BCAR3: variants seen among roughly 807,000 people sequenced by gnomAD.
BCAR3 encodes the protein BCAR3 adaptor protein, NSP family member.
A neutral mutation model predicts 80.1 loss-of-function variants in BCAR3; 37 were observed. The ratio of observed to expected loss-of-function variants is 0.46; its 90% CI spans 0.36 to 0.61. BCAR3 has a LOEUF of 0.61. Among genes scored for constraint, BCAR3 ranks in the 20% least tolerant of loss-of-function variants. The pLI is 0.00. For synonymous variants in BCAR3, 389 were observed against 418.9 expected, an observed-to-expected ratio of 0.93 and a Z score of 0.87; for missense variants, 978 against 1,068.2, an observed-to-expected ratio of 0.92 and a Z score of 1.18.
At chr1:93,828,303 T>G (rs1231487495) in intron 2 of BCAR3, among the ~76,000 whole-genome samples, 1 of 152,110 alleles carries the variant, frequency 6.6e-6, no homozygotes, top group Non-Finnish European at 1.5e-5. Flanking sequence ...AGACCTTGTC[T>G]CTTTAGAAAA....
intron 1 of BCAR3, among the ~76,000 whole-genome samples, chr1:93,677,025 C>T (rs1398557143): frequency 6.6e-6 from 1 of 152,360 alleles, no homozygotes; most frequent in African/African-American, 2.4e-5. Flanking sequence ...GTTAATACTT[C>T]CCCTTCTTAC....
intron 2 of BCAR3, among the ~76,000 whole-genome samples, chr1:93,706,322 C>T (rs564104398): frequency 2.6e-5 from 4 of 152,222 alleles, no homozygotes; most frequent in African/African-American, 9.6e-5. Flanking sequence ...GAGCTCACAC[C>T]GCCCATTCTG....
chr1:93,827,474 G>C (rs1654411686), intron 2 of BCAR3, among the ~76,000 whole-genome samples: 2 of 152,124 alleles, frequency 1.3e-5, no homozygotes, highest in Non-Finnish European at 2.9e-5. Flanking sequence ...CGAGAGGGCT[G>C]TCTCAGCTAC....
At chr1:93,614,581 G>C (rs1242328453) in intron 3 of BCAR3, among the ~76,000 whole-genome samples, 2 of 152,066 alleles carry the variant, frequency 1.3e-5, no homozygotes, top group African/African-American at 4.8e-5. Context: ...TTTTAATTAA[G>C]ATGCTCCTGG....
At chr1:93,766,975 AG>A (rs1324622769) in intron 2 of BCAR3, among the ~76,000 whole-genome samples, 2 of 152,144 alleles carry the variant, frequency 1.3e-5, no homozygotes, top group African/African-American at 2.4e-5. Context: ...TATAGCTCTG[AG>A]GGTGGGGAGC....
At chr1:93,774,913 GA>G in intron 2 of BCAR3, among the ~76,000 whole-genome samples, 1 of 152,264 alleles carries the variant, frequency 6.6e-6, no homozygotes, top group East Asian at 1.9e-4. Flanking sequence ...CAGCAGGAAA[GA>G]AAAGCCATGC....
At chr1:93,630,762 A>G (rs982731559) in intron 3 of BCAR3, among the ~76,000 whole-genome samples, 3 of 152,226 alleles carry the variant, frequency 2.0e-5, no homozygotes, top group Admixed American at 1.3e-4. Context: ...AATGTGTCAA[A>G]TGAACCAGCC....
At chr1:93,699,414 C>T (rs1316451748) in intron 3 of BCAR3, among the ~76,000 whole-genome samples, 3 of 152,134 alleles carry the variant, frequency 2.0e-5, no homozygotes, top group Non-Finnish European at 4.4e-5. Flanking sequence ...AGGCTGGGCG[C>T]TGGGGACATT....
intron 2 of BCAR3, among the ~76,000 whole-genome samples, chr1:93,647,424 A>C (rs1032505212): frequency 6.6e-6 from 1 of 152,260 alleles, no homozygotes; most frequent in African/African-American, 2.4e-5. Flanking sequence ...CATACAGGTT[A>C]ACAGAAGTAT....
At chr1:93,826,321 C>T (rs1654371826) in intron 2 of BCAR3, among the ~76,000 whole-genome samples, 1 of 152,134 alleles carries the variant, frequency 6.6e-6, no homozygotes, top group South Asian at 2.1e-4. Context: ...CTGCACTTTC[C>T]TCTCCTCTTC....
At chr1:93,587,698 CG>C (rs371114562) in intron 5 of BCAR3, among the ~76,000 whole-genome samples, 1,384 of 119,414 alleles carry the variant, frequency 0.012, 41 homozygotes, top group African/African-American at 0.058. Flanking sequence ...TGGACCCCCC[CG>C]CCAAAAAAAA....
chr1:93,637,213 AG>A (rs1394674686), intron 3 of BCAR3, among the ~76,000 whole-genome samples: 1 of 151,924 alleles, frequency 6.6e-6, no homozygotes, highest in Non-Finnish European at 1.5e-5. Flanking sequence ...TCTGTTGCCC[AG>A]GCTGGAGTGC....
chr1:93,716,030 G>A (rs1430506206), intron 2 of BCAR3, among the ~76,000 whole-genome samples: 1 of 152,192 alleles, frequency 6.6e-6, no homozygotes, highest in Admixed American at 6.5e-5. Context: ...AGAGGTTTGC[G>A]AGCTGCAGGG....
chr1:93,616,322 C>T (rs1675125203), intron 3 of BCAR3, among the ~76,000 whole-genome samples: 1 of 152,204 alleles, frequency 6.6e-6, no homozygotes, highest in Non-Finnish European at 1.5e-5. Flanking sequence ...AATCAATTTT[C>T]TCCTGAAACG....
intron 2 of BCAR3, among the ~76,000 whole-genome samples, chr1:93,836,983 G>A (rs537866592): frequency 2.0e-3 from 298 of 151,868 alleles, no homozygotes; most frequent in Non-Finnish European, 3.6e-3. Flanking sequence ...ATCTCCCTTC[G>A]CTGACTCTCT....
chr1:93,801,277 G>T (rs540063941), intron 2 of BCAR3, among the ~76,000 whole-genome samples: 3 of 152,318 alleles, frequency 2.0e-5, no homozygotes, highest in African/African-American at 7.2e-5. Context: ...GTAAATTCAT[G>T]ATTTTAGCGG....
rs774763104 is a variant in BCAR3 at position 93,582,327 on chromosome 1, G to A, written c.1660C>T (p.Gln554Ter). The change falls in exon 7 of 12, where the codon CAG (glutamine) becomes TAG (stop). Residue 554 changes from glutamine (Q) to a stop codon, truncating the protein, a stop_gained. Transcript: ENST00000260502. LOFTEE classifies it high-confidence loss of function. ...FTNNDPKVIA[Q>*]HVLSMDCRVA... ...CTGCAGTCCATGCTCAGTACGTGCT[G>A]GGCGATGACCTTGGGGTCGTTGTTG... 1.2e-6 allele frequency: 2 copies of A among 1,614,146 alleles called. No individual in the cohort carries two copies. Among genetic ancestry groups the A allele is most frequent in the Non-Finnish European group, 1.7e-6 (2 of 1,180,008 alleles).
intron 3 of BCAR3, among the ~76,000 whole-genome samples, chr1:93,705,881 C>T (rs1232761655): frequency 2.0e-5 from 3 of 151,566 alleles, no homozygotes; most frequent in East Asian, 1.9e-4. Context: ...AGCCAAAGCC[C>T]GGTCTCAAGG....
intron 2 of BCAR3, among the ~76,000 whole-genome samples, chr1:93,745,789 C>T (rs1177506635): frequency 6.6e-6 from 1 of 152,176 alleles, no homozygotes; most frequent in Non-Finnish European, 1.5e-5. Flanking sequence ...CCTGTAATCC[C>T]AGCACTTTGA....
Sources: gnomAD v4.1 joint callset for allele counts (sites outside exome capture counted in the v4.1 genomes callset) on GRCh38, gnomAD v4.1.1 for gene constraint, MANE v1.5 for transcripts, NCBI Gene and HGNC (gene_info 2026-07-23, HGNC 2026-07-21) for gene names.